The following ZNF385D variants were observed in gnomAD, a reference collection of about 807,000 sequenced individuals.
ZNF385D encodes zinc finger protein 385D.
In ZNF385D, 15 loss-of-function variants were observed where a neutral mutation model predicts 35.8. The ratio of observed to expected loss-of-function variants is 0.42; its 90% confidence interval spans 0.28 to 0.64. The LOEUF (loss-of-function observed/expected upper bound fraction) is 0.64. ZNF385D is among the 30% of genes least tolerant of loss of function. The probability of loss-of-function intolerance (pLI) is 0.23; values close to 1 mark genes in which losing one functional copy is unlikely to be tolerated. For synonymous variants in ZNF385D, 212 were observed against 186.8 expected (o/e 1.13, Z -1.10); for missense variants, 474 against 494.6 (o/e 0.96, Z 0.39).
At chr3:21,884,850 CTTG>C (rs1698460982) in intron 3 of ZNF385D, among the ~76,000 whole-genome samples, 1 of 151,936 alleles carries the variant, frequency 6.6e-6, no homozygotes, top group African/African-American at 2.4e-5. Context: ...GATTTATTTG[CTTG>C]TTGATTTATA....
intron 3 of ZNF385D, among the ~76,000 whole-genome samples, chr3:22,139,834 A>T (rs1258168227): frequency 2.6e-5 from 4 of 152,200 alleles, no homozygotes; most frequent in Non-Finnish European, 4.4e-5. Context: ...AACACATGAG[A>T]AGATAAGGGA....
chr3:22,063,771 G>A (rs553916320), intron 3 of ZNF385D, among the ~76,000 whole-genome samples: 4 of 152,284 alleles, frequency 2.6e-5, no homozygotes, highest in Admixed American at 2.6e-4. Flanking sequence ...TGGGCAGCCT[G>A]TATACCTTCA....
At chr3:22,217,841 T>C (rs1010939229) in intron 2 of ZNF385D, among the ~76,000 whole-genome samples, 1 of 152,068 alleles carries the variant, frequency 6.6e-6, no homozygotes, top group African/African-American at 2.4e-5. Context: ...CAATATTTCC[T>C]GAATTTTTCT....
At chr3:21,988,888 C>T (rs1052704198) in intron 3 of ZNF385D, among the ~76,000 whole-genome samples, 28 of 152,198 alleles carry the variant, frequency 1.8e-4, no homozygotes, top group Non-Finnish European at 3.2e-4. Context: ...GTTTTTTAAG[C>T]CGGTCTGAAA....
intron 3 of ZNF385D, among the ~76,000 whole-genome samples, chr3:22,117,500 C>T (rs1008600921): frequency 3.3e-5 from 5 of 151,674 alleles, no homozygotes; most frequent in Non-Finnish European, 5.9e-5. Flanking sequence ...CTTGTTCAAC[C>T]AAAATTGGCA....
chr3:22,246,063 C>T (rs1319744721), intron 2 of ZNF385D, among the ~76,000 whole-genome samples: 1 of 152,108 alleles, frequency 6.6e-6, no homozygotes, highest in Admixed American at 6.6e-5. Flanking sequence ...GAAACTTGAA[C>T]ATCATAACAG....
At chr3:21,921,718 C>T (rs926900965) in intron 3 of ZNF385D, among the ~76,000 whole-genome samples, 6 of 151,942 alleles carry the variant, frequency 3.9e-5, no homozygotes, top group Admixed American at 2.6e-4. Flanking sequence ...AATACCTCTA[C>T]GCTCACAAAC....
intron 2 of ZNF385D, among the ~76,000 whole-genome samples, chr3:22,222,168 G>T (rs762700230): frequency 4.3e-4 from 65 of 151,706 alleles, no homozygotes; most frequent in Non-Finnish European, 2.6e-4. Flanking sequence ...GTAGAGATGG[G>T]GATTCACCCT....
Position 21,954,976 on chromosome 3 carries a change from T to C in ZNF385D, c.325+213841A>G, listed in dbSNP as rs113288214. ...GTCTAGCCTTCGAAACACTTAGAAA[T>C]CTGGTGATGCCCCTGTGAGTTCACT... On this transcript the variant is annotated intron_variant, in intron 3 of 5. Transcript: ENST00000494108. Among the ~76,000 whole-genome samples the C allele has an allele frequency of 5.2e-4, 79 of 152,234 alleles. 1 individual carries two copies. The highest frequency in any genetic ancestry group is 6.8e-3 in the Middle Eastern group (2 of 294).
At chr3:21,839,405 G>A (rs1252413293) in intron 3 of ZNF385D, among the ~76,000 whole-genome samples, 1 of 152,040 alleles carries the variant, frequency 6.6e-6, no homozygotes. Flanking sequence ...GACTAAACCA[G>A]TATAGCCAGT....
At chr3:21,451,407 T>G (rs147969248) in intron 4 of ZNF385D, among the ~76,000 whole-genome samples, 8 of 152,126 alleles carry the variant, frequency 5.3e-5, no homozygotes, top group Non-Finnish European at 8.8e-5. Flanking sequence ...CTTAAAATGA[T>G]AGATTACGCA....
At chr3:21,618,345 T>C (rs556908691) in intron 2 of ZNF385D, among the ~76,000 whole-genome samples, 70 of 152,280 alleles carry the variant, frequency 4.6e-4, no homozygotes, top group African/African-American at 1.6e-3. Context: ...TGCCGAGGAT[T>C]TTCTGAAGCC....
At chr3:22,250,931 A>AT (rs772654640) in intron 2 of ZNF385D, among the ~76,000 whole-genome samples, 5 of 151,988 alleles carry the variant, frequency 3.3e-5, no homozygotes, top group Non-Finnish European at 5.9e-5. Context: ...AATCGACCAA[A>AT]TGTTTCAGTA....
At chr3:21,620,582 T>C (rs1030148814) in intron 2 of ZNF385D, among the ~76,000 whole-genome samples, 5 of 152,188 alleles carry the variant, frequency 3.3e-5, no homozygotes, top group Admixed American at 1.3e-4. Context: ...CCTGTCCTTT[T>C]AGCATCAGGT....
chr3:21,813,451 T>G (rs191783767), intron 3 of ZNF385D, among the ~76,000 whole-genome samples: 66 of 152,116 alleles, frequency 4.3e-4, no homozygotes, highest in African/African-American at 1.6e-3. Flanking sequence ...CGAAAAACCT[T>G]CAAAAAAGAT....
chr3:22,105,149 CAAGGCTATGGG>C (rs1702140079), intron 3 of ZNF385D, among the ~76,000 whole-genome samples: 2 of 151,982 alleles, frequency 1.3e-5, no homozygotes, highest in Non-Finnish European at 2.9e-5. Context: ...ATACATGTGG[CAAGGCTATGGG>C]AAGTAGGCAG....
intron 1 of ZNF385D, among the ~76,000 whole-genome samples, chr3:21,740,383 G>T (rs1039191491): frequency 6.6e-6 from 1 of 152,088 alleles, no homozygotes; most frequent in Non-Finnish European, 1.5e-5. Flanking sequence ...ACTGAGTCAG[G>T]ATCTATATTA....
At chr3:21,692,993 A>C (rs76989974) in intron 1 of ZNF385D, among the ~76,000 whole-genome samples, 1 of 152,238 alleles carries the variant, frequency 6.6e-6, no homozygotes, top group South Asian at 2.1e-4. Flanking sequence ...TTGGACATTT[A>C]TTGTGAGTTC....
chr3:22,138,722 A>C (rs1704312914), intron 3 of ZNF385D, among the ~76,000 whole-genome samples: 1 of 152,146 alleles, frequency 6.6e-6, no homozygotes, highest in Non-Finnish European at 1.5e-5. Context: ...CCCTAGAAGA[A>C]AACCTAGGCA....
Sources: allele counts gnomAD v4.1 joint callset (sites outside exome capture counted in the v4.1 genomes callset), GRCh38; gene constraint gnomAD v4.1.1; transcripts MANE v1.5; gene names NCBI Gene and HGNC (gene_info 2026-07-23, HGNC 2026-07-21).